Variants in MLLT3 observed in about 807,000 individuals in gnomAD.
MLLT3 encodes MLLT3 super elongation complex subunit, also known as protein AF-9.
A neutral mutation model predicts 53.2 loss-of-function variants in MLLT3; 4 were observed. That is an observed-to-expected ratio of 0.08 (90% CI 0.04 to 0.17). The LOEUF (loss-of-function observed/expected upper bound fraction) is 0.17. Among genes scored for constraint, MLLT3 ranks in the 10% least tolerant of loss-of-function variants. MLLT3 has a pLI of 1.00. For synonymous variants in MLLT3, 283 were observed against 230.6 expected, an observed-to-expected ratio of 1.23 and a Z score of -2.06; for missense variants, 569 against 684.0, an observed-to-expected ratio of 0.83 and a Z score of 1.87.
intron 5 of MLLT3, among the ~76,000 whole-genome samples, chr9:20,365,991 C>A (rs1821440097): frequency 2.0e-5 from 3 of 152,120 alleles, no homozygotes; most frequent in African/African-American, 7.2e-5. Flanking sequence ...AAGGGCCTGG[C>A]TTTGATTTCA....
chr9:20,350,002 G>A (rs999269513), intron 10 of MLLT3, among the ~76,000 whole-genome samples: 4 of 152,222 alleles, frequency 2.6e-5, no homozygotes, highest in African/African-American at 9.7e-5. Flanking sequence ...ATTAGAGCAT[G>A]TGCCCACATC....
rs903158109 is a variant in MLLT3, at chr9:20,621,449, AAC to A, written c.13-617_13-616del. On this transcript the variant is annotated intron_variant, in intron 1 of 10. Coordinates refer to ENST00000380338, the MANE Select transcript of MLLT3 (RefSeq NM_004529.4). The surrounding 1 kb of genome is among the most constrained non-coding windows in gnomAD (Gnocchi z 7.0). ...AATGAGACGTCGTCATACACACTGA[AAC>A]ACACACACACGCCCGCAGGAAAACA... Among the ~76,000 whole-genome samples, 3 of 151,840 alleles carry A rather than the reference AAC, an allele frequency of 2.0e-5. No individual in the cohort carries two copies. Among genetic ancestry groups the A allele is most frequent in the Non-Finnish European group, 2.9e-5 (2 of 67,912 alleles).
rs538529447 is a variant in MLLT3 at position 20,622,484 on chromosome 9, G to A, written c.-228C>T. 5.9e-5 allele frequency: 30 copies of A among 511,908 alleles called. 1 individual carries two copies. In the South Asian group the frequency reaches 7.8e-4, roughly 13 times the overall value. 31.7% of individuals were successfully genotyped at this position (511,908 alleles called of 1,614,324 possible). On this transcript the variant is annotated 5_prime_UTR_variant, in exon 1 of 11. Coordinates refer to ENST00000380338, the MANE Select transcript of MLLT3 (RefSeq NM_004529.4). ...GCAGCAGCAGCAGCAGCAGCTCCAG[G>A]GTAAAGAAGATGATTGCGGAGCATG...
intron 2 of MLLT3, among the ~76,000 whole-genome samples, chr9:20,501,355 C>T (rs1825220414): frequency 6.6e-6 from 1 of 152,188 alleles, no homozygotes; most frequent in Non-Finnish European, 1.5e-5. Flanking sequence ...TCCTTCCCCT[C>T]ACATAGTTAA....
intron 4 of MLLT3, among the ~76,000 whole-genome samples, chr9:20,431,431 G>A (rs552316389): frequency 6.6e-6 from 1 of 152,164 alleles, no homozygotes; most frequent in African/African-American, 2.4e-5. Flanking sequence ...AACTGGTTTA[G>A]GTAAGGCTGG....
At chr9:20,359,145 CAAAA>C (rs920197622) in intron 8 of MLLT3, among the ~76,000 whole-genome samples, 3 of 20,976 alleles carry the variant, frequency 1.4e-4, no homozygotes, top group Non-Finnish European at 3.0e-4. Context: ...AACTCCATCT[CAAAA>C]AAAAAAAAAA....
At chr9:20,575,287 T>C (rs1819625471) in intron 2 of MLLT3, among the ~76,000 whole-genome samples, 1 of 152,140 alleles carries the variant, frequency 6.6e-6, no homozygotes, top group Non-Finnish European at 1.5e-5. Context: ...GGTTTCCAGT[T>C]TACTTTACCC....
chr9:20,438,233 C>T (rs1381395431), intron 4 of MLLT3, among the ~76,000 whole-genome samples: 1 of 152,226 alleles, frequency 6.6e-6, no homozygotes, highest in Non-Finnish European at 1.5e-5. Flanking sequence ...ATAGCTTTAA[C>T]ATCAAAATCA....
At chr9:20,618,828 T>C (rs969871612) in intron 2 of MLLT3, among the ~76,000 whole-genome samples, 1 of 152,104 alleles carries the variant, frequency 6.6e-6, no homozygotes, top group African/African-American at 2.4e-5. Context: ...AATGGTAAAA[T>C]AGAGGTTGAT....
At chr9:20,376,256 C>G (rs1821762100) in intron 5 of MLLT3, among the ~76,000 whole-genome samples, 1 of 152,102 alleles carries the variant, frequency 6.6e-6, no homozygotes, top group South Asian at 2.1e-4. Flanking sequence ...TAGATGCTCT[C>G]CATTTGTATT....
At chr9:20,554,056 C>A (rs1818995146) in intron 2 of MLLT3, among the ~76,000 whole-genome samples, 1 of 152,052 alleles carries the variant, frequency 6.6e-6, no homozygotes, top group Admixed American at 6.6e-5. Context: ...AAGAATTTTC[C>A]TTTTCCTCTC....
At position 20,477,584 on chromosome 9, in the gene MLLT3, T is replaced by A. The variant is rs117684974; in HGVS notation, c.194-20798A>T. Among the ~76,000 whole-genome samples the A allele has an allele frequency of 1.8e-3, 275 of 152,056 alleles. 2 individuals are homozygous for A. The highest frequency in any genetic ancestry group is 0.017 in the South Asian group (80 of 4,808). ...AAACTGGATAGGGAAAATTTTAAAT[T>A]AATAAATAAATAAATAGCCCTCCTC... is the stretch of plus-strand genomic sequence containing the variant. On this transcript the variant is annotated intron_variant, in intron 2 of 10. Coordinates refer to ENST00000380338, the MANE Select transcript of MLLT3 (RefSeq NM_004529.4).
intron 4 of MLLT3, 149 bp downstream of exon 4, chr9:20,447,974 T>G: frequency 1.3e-6 from 1 of 744,342 alleles, no homozygotes; most frequent in Non-Finnish European, 2.1e-6. Context: ...AACACATGAA[T>G]CCACAGCTAA....
chr9:20,393,225 T>C (rs1024391776), intron 5 of MLLT3, among the ~76,000 whole-genome samples: 1 of 152,054 alleles, frequency 6.6e-6, no homozygotes, highest in South Asian at 2.1e-4. Flanking sequence ...AATAAAGAAA[T>C]TAGGATTGTT....
intron 3 of MLLT3, among the ~76,000 whole-genome samples, chr9:20,452,433 G>T (rs1006149059): frequency 5.3e-5 from 8 of 151,934 alleles, no homozygotes; most frequent in African/African-American, 1.7e-4. Flanking sequence ...TGCTATGACT[G>T]TAAGTTTCTT....
chr9:20,348,161 A>G (rs1820924904), intron 10 of MLLT3, among the ~76,000 whole-genome samples: 1 of 152,232 alleles, frequency 6.6e-6, no homozygotes, highest in Non-Finnish European at 1.5e-5. Flanking sequence ...TATTAAAATA[A>G]GCTACTCTCA....
intron 2 of MLLT3, among the ~76,000 whole-genome samples, chr9:20,582,354 C>A (rs546210068): frequency 6.6e-6 from 1 of 152,272 alleles, no homozygotes; most frequent in African/African-American, 2.4e-5. Flanking sequence ...AAAGTAGTTT[C>A]ACTGCCCTAA....
chr9:20,444,642 G>C lies in MLLT3; in HGVS notation c.420+3481C>G, dbSNP rs1224293439. Among the ~76,000 whole-genome samples the C allele has an allele frequency of 4.6e-5, 7 of 152,240 alleles. No homozygotes were observed. In the East Asian group the frequency reaches 1.2e-3, roughly 25 times the overall value. On this transcript the variant is annotated intron_variant, in intron 4 of 10. Coordinates refer to ENST00000380338, the MANE Select transcript of MLLT3 (RefSeq NM_004529.4). ...AGTTAGAGCACTTTAGGAGGCCGAG[G>C]GGGGCTGATCATTTCAGCTCAGGAG...
At chr9:20,425,894 T>G (rs1423510082) in intron 4 of MLLT3, among the ~76,000 whole-genome samples, 2 of 152,118 alleles carry the variant, frequency 1.3e-5, no homozygotes, top group East Asian at 3.9e-4. Context: ...ATATTAAAAA[T>G]ATCCTGAAGT....
Sources: allele counts gnomAD v4.1 joint callset (sites outside exome capture counted in the v4.1 genomes callset), GRCh38; gene constraint gnomAD v4.1.1; non-coding constraint Gnocchi (gnomAD v3.1); transcripts MANE v1.5; gene names NCBI Gene and HGNC (gene_info 2026-07-23, HGNC 2026-07-21).